Variants in GMPR observed in about 807,000 individuals in gnomAD.
GMPR encodes guanosine monophosphate reductase, also known as GMP reductase 1.
Under a neutral mutation model 38.4 loss-of-function variants are expected in GMPR, and 31 were observed. The observed-to-expected ratio is 0.81, with a 90% confidence interval of 0.61 to 1.09. GMPR has a LOEUF of 1.09. Among genes scored for constraint, GMPR ranks in the 50% least tolerant of loss-of-function variants. GMPR has a pLI of 0.00. For synonymous variants in GMPR, 162 were observed against 173.3 expected (o/e 0.93, Z 0.51); for missense variants, 468 against 453.7 (o/e 1.03, Z -0.29).
chr6:16,260,482 G>T (rs927784710), intron 4 of GMPR, among the ~76,000 whole-genome samples: 2 of 151,956 alleles, frequency 1.3e-5, no homozygotes, highest in South Asian at 2.1e-4. Context: ...TATCTGACTC[G>T]GGGCATGTCG....
At chr6:16,271,006 G>A (rs1446428113) in intron 4 of GMPR, among the ~76,000 whole-genome samples, 3 of 151,730 alleles carry the variant, frequency 2.0e-5, no homozygotes, top group Admixed American at 6.6e-5. Flanking sequence ...GGGCAACATA[G>A]CAAGGCCCTA....
intron 3 of GMPR, among the ~76,000 whole-genome samples, chr6:16,252,204 A>G (rs895545247): frequency 6.6e-6 from 1 of 152,096 alleles, no homozygotes; most frequent in Non-Finnish European, 1.5e-5. Context: ...TCCCTATAAT[A>G]AGTTTGGGAA....
chr6:16,276,521 C>G (rs1759475302), intron 5 of GMPR, among the ~76,000 whole-genome samples: 1 of 152,136 alleles, frequency 6.6e-6, no homozygotes, highest in African/African-American at 2.4e-5. Flanking sequence ...CACTTGTTTT[C>G]TTCTTGCACA....
chr6:16,289,407 G>A (rs143266764), intron 7 of GMPR: 1 of 152,340 alleles, frequency 6.6e-6, no homozygotes, highest in Non-Finnish European at 1.5e-5. Context: ...TTTTTCCCAC[G>A]TTTTTACTTT....
At chr6:16,266,171 CTGTAACACTTGCCATCTTT>C (rs1402154909) in intron 4 of GMPR, among the ~76,000 whole-genome samples, 2 of 56,580 alleles carry the variant, frequency 3.5e-5, no homozygotes, top group Non-Finnish European at 5.7e-5. Context: ...TCTTTAAGAG[CTGTAACACTTGCCATCTTT>C]AAGAGCTGTA....
intron 8 of GMPR, among the ~76,000 whole-genome samples, chr6:16,292,291 A>G (rs1257064690): frequency 6.6e-6 from 1 of 151,928 alleles, no homozygotes; most frequent in African/African-American, 2.4e-5. Context: ...TGAGATTTGT[A>G]GGTGGGGGGA....
intron 5 of GMPR, among the ~76,000 whole-genome samples, chr6:16,275,073 A>G (rs1468700057): frequency 6.6e-6 from 1 of 152,194 alleles, no homozygotes; most frequent in Non-Finnish European, 1.5e-5. Context: ...AGAACGAGGT[A>G]GAGCCTTCTG....
intron 6 of GMPR, among the ~76,000 whole-genome samples, chr6:16,280,965 T>C (rs1759561188): frequency 6.6e-6 from 1 of 152,198 alleles, no homozygotes; most frequent in African/African-American, 2.4e-5. Context: ...ACTTGCTTAG[T>C]TTACAGGGCT....
At chr6:16,256,438 A>G (rs1247003756) in intron 4 of GMPR, among the ~76,000 whole-genome samples, 1 of 148,976 alleles carries the variant, frequency 6.7e-6, no homozygotes, top group Non-Finnish European at 1.5e-5. Context: ...GCTGAGGCAG[A>G]GAATTGCTCG....
intron 6 of GMPR, among the ~76,000 whole-genome samples, chr6:16,283,898 C>T (rs779600516): frequency 1.3e-4 from 20 of 148,360 alleles, no homozygotes; most frequent in Non-Finnish European, 2.7e-4. Context: ...AGAGATAAAG[C>T]ACTTTAAAAT....
chr6:16,267,036 G>A (rs904239163), intron 4 of GMPR, among the ~76,000 whole-genome samples: 4 of 151,164 alleles, frequency 2.6e-5, no homozygotes, highest in African/African-American at 4.9e-5. Flanking sequence ...CACTCCCTGC[G>A]AAAAAGGTGG....
chr6:16,290,889 C>A (rs986203148), intron 8 of GMPR, among the ~76,000 whole-genome samples: 2 of 152,180 alleles, frequency 1.3e-5, no homozygotes, highest in African/African-American at 4.8e-5. Context: ...GGGAATACTT[C>A]AGACCTCTGG....
chr6:16,254,543 T>G lies in GMPR; in HGVS notation c.292-19T>G, dbSNP rs772796943. 5.6e-6 allele frequency: 9 copies of G among 1,609,514 alleles called. No homozygotes were observed. Among genetic ancestry groups the G allele is most frequent in the Non-Finnish European group, 6.8e-6 (8 of 1,176,032 alleles). ...AATGCTACTGTTTATGCCTGTCTTC[T>G]TGGTTTATTTTGGTGCAGAATGTAG... On this transcript the variant is annotated intron_variant, in intron 3 of 8. Transcript: ENST00000259727.
In GMPR at chr6:16,290,651, G is replaced by A. The variant is rs191534140; in HGVS notation, c.857+30G>A. 5.1e-3 allele frequency: 8,092 copies of A among 1,598,536 alleles called. 24 individuals carry two copies. Among genetic ancestry groups the A allele is most frequent in the Middle Eastern group, 6.2e-3 (35 of 5,628 alleles). The stretch of plus-strand genomic sequence containing the variant: ...GGAGGTGACCCCGGGGCGCACCCTC[G>A]AGGCCTGGCCTTGCTTTTCTTACGG... On this transcript the variant is annotated intron_variant, in intron 8 of 8. Transcript: ENST00000259727.
intron 4 of GMPR, among the ~76,000 whole-genome samples, chr6:16,271,212 G>A (rs140528875): frequency 2.0e-5 from 3 of 152,158 alleles, no homozygotes; most frequent in East Asian, 1.9e-4. Flanking sequence ...GTGGCCGGGC[G>A]CAGTGGCTCA....
intron 4 of GMPR, chr6:16,262,276 G>A (rs1409310763): frequency 1.3e-5 from 2 of 151,904 alleles, no homozygotes; most frequent in African/African-American, 4.8e-5. Context: ...GCTAAGCCAA[G>A]AAGATGTGGG....
Position 16,266,439 on chromosome 6 carries a change from G to C in GMPR, c.466-7976G>C, listed in dbSNP as rs569282627. On this transcript the variant is annotated intron_variant, in intron 4 of 8. Transcript: ENST00000259727. ...CTCACTGTGAAAAAGGTGGCACGTC[G>C]GACGTGCCACCTTTAAGAGCTGTAA... Among the ~76,000 whole-genome samples the C allele has an allele frequency of 4.8e-3, 529 of 110,366 alleles. 10 individuals carry two copies. The highest frequency in any genetic ancestry group is 0.017 in the African/African-American group (497 of 29,806). 72.4% of individuals were successfully genotyped at this position (110,366 alleles called of 152,430 possible).
rs540153640 is a variant in GMPR at position 16,266,271 on chromosome 6, C to G, written c.466-8144C>G. Among the ~76,000 whole-genome samples, 9 of 151,508 alleles carry G rather than the reference C, an allele frequency of 5.9e-5. No homozygotes were observed. In the South Asian group the frequency reaches 1.3e-3, roughly 21 times the overall value. ...GAGCTGTAACACTCACTGCGAAGGT[C>G]TGAGGCTTCATTCCTGAAGTCAGTG... On this transcript the variant is annotated intron_variant, in intron 4 of 8. Transcript: ENST00000259727.
At chr6:16,241,715 T>C (rs2113665179) in intron 1 of GMPR, among the ~76,000 whole-genome samples, 1 of 152,348 alleles carries the variant, frequency 6.6e-6, no homozygotes, top group South Asian at 2.1e-4. Flanking sequence ...CATTCTACTC[T>C]AGTCCTTAAG....
Sources: allele counts gnomAD v4.1 joint callset (sites outside exome capture counted in the v4.1 genomes callset), GRCh38; gene constraint gnomAD v4.1.1; transcripts MANE v1.5; gene names NCBI Gene and HGNC (gene_info 2026-07-23, HGNC 2026-07-21).